The following APOLD1 variants were observed in gnomAD, a reference collection of about 807,000 sequenced individuals.
APOLD1 encodes the protein apolipoprotein L domain-containing protein 1.
In APOLD1, 22 loss-of-function variants were observed where a neutral mutation model predicts 15.3. The observed-to-expected ratio is 1.44, with a 90% confidence interval of 1.03 to 2.05. The LOEUF (loss-of-function observed/expected upper bound fraction) is 2.05, where lower values mean the gene tolerates loss of function less well. Ranked by LOEUF, APOLD1 falls within the 30% of genes most tolerant of loss-of-function variation. APOLD1 has a pLI of 0.00. For missense variants in APOLD1, 394 were observed against 353.5 expected (o/e 1.11, Z -0.92); for synonymous variants, 190 against 167.4 (o/e 1.13, Z -1.04).
At chr12:12,741,105 C>T (rs1292478018) in intron 1 of APOLD1, among the ~76,000 whole-genome samples, 1 of 152,160 alleles carries the variant, frequency 6.6e-6, no homozygotes, top group African/African-American at 2.4e-5. Context: ...TTGTATCTCC[C>T]TACCTTTCCC....
chr12:12,779,271 A>G (rs1027260365), intron 1 of APOLD1, among the ~76,000 whole-genome samples: 4 of 151,946 alleles, frequency 2.6e-5, no homozygotes, highest in Non-Finnish European at 4.4e-5. Flanking sequence ...CCCACCTTAA[A>G]TTTAAATGAT....
upstream of APOLD1, among the ~76,000 whole-genome samples, chr12:12,781,817 G>A (rs1190414127): frequency 2.0e-5 from 3 of 151,210 alleles, no homozygotes; most frequent in African/African-American, 7.3e-5. Flanking sequence ...GTGAGCCACC[G>A]CGCCCGGCAT....
chr12:12,735,184 G>A (rs1297328978), intron 1 of APOLD1, among the ~76,000 whole-genome samples: 1 of 151,996 alleles, frequency 6.6e-6, no homozygotes, highest in Non-Finnish European at 1.5e-5. Flanking sequence ...TTGAGCCCAG[G>A]AGTTCCAGTC....
chr12:12,727,639 G>A (rs758859986), intron 1 of APOLD1, among the ~76,000 whole-genome samples: 1 of 151,728 alleles, frequency 6.6e-6, no homozygotes, highest in Non-Finnish European at 1.5e-5. Context: ...GAGTCTCCCT[G>A]TCATCCAGGC....
chr12:12,748,917 A>T (rs1019367501), intron 1 of APOLD1, among the ~76,000 whole-genome samples: 1 of 152,224 alleles, frequency 6.6e-6, no homozygotes, highest in African/African-American at 2.4e-5. Flanking sequence ...TAAACTTTAC[A>T]AGAAGGCAGC....
rs138853783 is a variant in APOLD1 at position 12,742,516 on chromosome 12, C to T, written c.96+16420C>T. Among the ~76,000 whole-genome samples, 686 of 152,270 alleles carry T rather than the reference C, an allele frequency of 4.5e-3. 3 individuals carry two copies. Among genetic ancestry groups the T allele is most frequent in the South Asian group, 6.0e-3 (29 of 4,826 alleles). ...GCACGGTGGCTCACGCCTGTAATCC[C>T]AGCACTTTGGGAGGCCGAGGTGGGT... On this transcript the variant is annotated intron_variant, in intron 1 of 1. Coordinates refer to the APOLD1 transcript ENST00000326765.
At chr12:12,783,022 A>G (rs990412537), upstream of APOLD1, among the ~76,000 whole-genome samples, 3 of 151,946 alleles carry the variant, frequency 2.0e-5, no homozygotes, top group African/African-American at 7.3e-5. Context: ...CCTGTCCAAC[A>G]TGGCGAAACC....
intron 1 of APOLD1, among the ~76,000 whole-genome samples, chr12:12,750,099 G>C (rs551090118): frequency 5.9e-5 from 9 of 152,154 alleles, no homozygotes; most frequent in African/African-American, 2.2e-4. Context: ...ATGGCCGGGC[G>C]CGGTGGCTCA....
chr12:12,747,966 A>C (rs909405561), intron 1 of APOLD1, among the ~76,000 whole-genome samples: 5 of 152,154 alleles, frequency 3.3e-5, no homozygotes, highest in African/African-American at 1.2e-4. Flanking sequence ...TTAGTGCTTA[A>C]AAGCCATGGC....
chr12:12,759,707 C>A (rs945807974), intron 1 of APOLD1, among the ~76,000 whole-genome samples: 1 of 152,190 alleles, frequency 6.6e-6, no homozygotes, highest in Non-Finnish European at 1.5e-5. Flanking sequence ...GCTGCCTTGA[C>A]GTCAGTATAT....
At chr12:12,735,966 C>G (rs1946681817) in intron 1 of APOLD1, among the ~76,000 whole-genome samples, 1 of 151,908 alleles carries the variant, frequency 6.6e-6, no homozygotes, top group East Asian at 1.9e-4. Flanking sequence ...ATAAAATAAG[C>G]TCACACCTGT....
At chr12:12,740,813 A>G (rs1046500982) in intron 1 of APOLD1, among the ~76,000 whole-genome samples, 3 of 152,186 alleles carry the variant, frequency 2.0e-5, no homozygotes, top group African/African-American at 7.2e-5. Flanking sequence ...TTCCCACTAC[A>G]GACTGGAGAC....
chr12:12,758,795 G>A (rs1946877731), intron 1 of APOLD1, among the ~76,000 whole-genome samples: 1 of 152,140 alleles, frequency 6.6e-6, no homozygotes, highest in African/African-American at 2.4e-5. Context: ...CTTAACCACA[G>A]ATCTTAGCAA....
At chr12:12,741,300 G>A (rs12371704) in intron 1 of APOLD1, among the ~76,000 whole-genome samples, 10,089 of 152,262 alleles carry the variant, frequency 0.066, 356 homozygotes, top group Middle Eastern at 0.11. Flanking sequence ...TCAAACTCCT[G>A]GGCTCAAGTG....
chr12:12,791,231 G>A lies in APOLD1; in HGVS notation c.*3579G>A, dbSNP rs746846194. 2.0e-5 allele frequency: 3 copies of A among 152,146 alleles called. No homozygotes were observed. The highest frequency in any genetic ancestry group is 4.4e-5 in the Non-Finnish European group (3 of 68,028). The allele number at this position is 152,146 out of a possible 1,614,324, so 9.4% of individuals were successfully genotyped here. A position where few individuals can be genotyped will look rare whatever the true frequency, so the allele number is the denominator to read the frequency against. ...TGTCAAAGTCAAAAGTATTTACTGG[G>A]AGAAAAAAGAGAGGAGTGGTTGTAG... On this transcript the variant is annotated 3_prime_UTR_variant, in exon 2 of 2. Coordinates refer to ENST00000356591, the MANE Select transcript of APOLD1 (RefSeq NM_030817.3).
intron 1 of APOLD1, among the ~76,000 whole-genome samples, chr12:12,752,866 GT>G (rs1177529598): frequency 6.6e-6 from 1 of 152,196 alleles, no homozygotes; most frequent in African/African-American, 2.4e-5. Flanking sequence ...TATCTAGATG[GT>G]TCAATTGCTG....
chr12:12,765,505 C>T (rs1389549652), intron 1 of APOLD1, among the ~76,000 whole-genome samples: 1 of 152,326 alleles, frequency 6.6e-6, no homozygotes, highest in South Asian at 2.1e-4. Context: ...GGTTATTAAA[C>T]ATTTAATTCA....
intron 1 of APOLD1, among the ~76,000 whole-genome samples, chr12:12,751,960 A>G (rs552531508): frequency 7.2e-5 from 11 of 152,344 alleles, no homozygotes; most frequent in African/African-American, 2.4e-4. Context: ...AATACAGTCC[A>G]GTAGAAACTG....
intron 1 of APOLD1, among the ~76,000 whole-genome samples, chr12:12,767,028 C>T (rs1335076112): frequency 7.9e-5 from 12 of 151,530 alleles, no homozygotes; most frequent in Non-Finnish European, 1.3e-4. Flanking sequence ...GGTGGATCAC[C>T]GGAGGTCAGG....
Sources: gnomAD v4.1 joint callset for allele counts (sites outside exome capture counted in the v4.1 genomes callset) on GRCh38, gnomAD v4.1.1 for gene constraint, MANE v1.5 for transcripts, NCBI Gene and HGNC (gene_info 2026-07-23, HGNC 2026-07-21) for gene names.